LHPP: variants seen among roughly 807,000 people sequenced by gnomAD.
The protein encoded by LHPP is phospholysine phosphohistidine inorganic pyrophosphate phosphatase.
In LHPP, 24 loss-of-function variants were observed where a neutral mutation model predicts 30.3. That is an observed-to-expected ratio of 0.79 (90% confidence interval 0.57 to 1.11). The LOEUF (loss-of-function observed/expected upper bound fraction) is 1.11. Ranked by LOEUF, LHPP falls within the 50% of genes most tolerant of loss-of-function variation. The pLI, the probability that LHPP is intolerant of heterozygous loss-of-function variation, is 0.00. For missense variants in LHPP, 356 were observed against 367.2 expected (o/e 0.97, Z 0.25); for synonymous variants, 150 against 157.1 (o/e 0.95, Z 0.34).
chr10:124,491,164 T>G (rs1411418585), intron 3 of LHPP, among the ~76,000 whole-genome samples: 1 of 152,236 alleles, frequency 6.6e-6, no homozygotes, highest in East Asian at 1.9e-4. Flanking sequence ...CACAGGGTTC[T>G]ACACAGCTAG....
chr10:124,468,657 C>T (rs972768210), intron 1 of LHPP, among the ~76,000 whole-genome samples: 1 of 152,226 alleles, frequency 6.6e-6, no homozygotes, highest in Non-Finnish European at 1.5e-5. Context: ...GAAGGGGCCG[C>T]TGAGCTGTCC....
intron 6 of LHPP, among the ~76,000 whole-genome samples, chr10:124,560,641 C>T (rs533880377): frequency 1.3e-5 from 2 of 152,204 alleles, no homozygotes; most frequent in African/African-American, 4.8e-5. Context: ...GCCGTGCTCC[C>T]GACGTCAGGC....
intron 6 of LHPP, among the ~76,000 whole-genome samples, chr10:124,538,034 G>A (rs1470205694): frequency 6.6e-6 from 1 of 152,194 alleles, no homozygotes; most frequent in African/African-American, 2.4e-5. Flanking sequence ...CCCCTTCCCT[G>A]AGCCTCCCAC....
intron 5 of LHPP, among the ~76,000 whole-genome samples, chr10:124,513,206 A>G (rs1427096818): frequency 6.6e-6 from 1 of 151,580 alleles, no homozygotes; most frequent in Non-Finnish European, 1.5e-5. Context: ...GATTACAGGC[A>G]TCCGCCACCA....
chr10:124,590,010 A>C lies in LHPP; in HGVS notation c.717-23254A>C, dbSNP rs979049110. 1.6e-4 allele frequency among the ~76,000 whole-genome samples: 24 copies of C among 152,104 alleles called. No homozygotes were observed. The highest frequency in any genetic ancestry group is 5.5e-4 in the African/African-American group (23 of 41,482). On this transcript the variant is annotated intron_variant, in intron 6 of 6. Coordinates refer to ENST00000368842, the MANE Select transcript of LHPP (RefSeq NM_022126.4). This position sits in a 1 kb window ranked among gnomAD's most constrained non-coding sequence, Gnocchi z 4.3. ...AAATCCTTTCAGGAAAGTTCTCTCC[A>C]TCCCACCACTCCACCGCCCCCCGCC...
rs779167244 is a variant in LHPP, at chr10:124,478,036, G to C, written c.126-6103G>C. Among the ~76,000 whole-genome samples the C allele has an allele frequency of 2.6e-5, 4 of 152,186 alleles. No individual in the cohort carries two copies. Among genetic ancestry groups the C allele is most frequent in the Admixed American group, 2.0e-4 (3 of 15,284 alleles). Reference sequence around the variant, plus strand: ...CTGGTCCTGCGCCAGGGTGCCCCCAGGTGCTGATCTTGGCTCCACTGTGGT... The same window carrying C: ...CTGGTCCTGCGCCAGGGTGCCCCCACGTGCTGATCTTGGCTCCACTGTGGT... On this transcript the variant is annotated intron_variant, in intron 1 of 6. Transcript: ENST00000368842. The surrounding 1 kb of genome is among the most constrained non-coding windows in gnomAD (Gnocchi z 4.7).
At chr10:124,553,678 C>T in intron 6 of LHPP, among the ~76,000 whole-genome samples, 1 of 152,084 alleles carries the variant, frequency 6.6e-6, no homozygotes, top group Non-Finnish European at 1.5e-5. Flanking sequence ...CCAGGATGGT[C>T]TCGATCTCCT....
chr10:124,496,063 AG>A lies in LHPP; in HGVS notation c.468-895del, dbSNP rs1265569955. On this transcript the variant is annotated intron_variant, in intron 3 of 6. Transcript: ENST00000368842. The surrounding 1 kb of genome is among the most constrained non-coding windows in gnomAD (Gnocchi z 4.3). ...TATCGTAAGGGCATGGCAGGAGGAG[AG>A]GGAAACTGATGTGATGGTGGATGGC... 6.6e-6 allele frequency among the ~76,000 whole-genome samples: 1 copy of A among 152,142 alleles called. No individual in the cohort carries two copies. The highest frequency in any genetic ancestry group is 1.5e-5 in the Non-Finnish European group (1 of 68,012).
At chr10:124,539,735 CAAA>C (rs34308960) in intron 6 of LHPP, among the ~76,000 whole-genome samples, 15 of 120,874 alleles carry the variant, frequency 1.2e-4, no homozygotes, top group Admixed American at 2.7e-4. Flanking sequence ...AACCCTGTCT[CAAA>C]AAAAAAAAAA....
intron 6 of LHPP, among the ~76,000 whole-genome samples, chr10:124,518,943 T>G (rs1954534451): frequency 6.6e-6 from 1 of 152,086 alleles, no homozygotes; most frequent in Non-Finnish European, 1.5e-5. Context: ...TGTTTTTTTG[T>G]TTTTGTTTTT....
At chr10:124,525,380 T>C (rs1954707497) in intron 6 of LHPP, among the ~76,000 whole-genome samples, 1 of 152,208 alleles carries the variant, frequency 6.6e-6, no homozygotes, top group Admixed American at 6.5e-5. Flanking sequence ...GGAGCATATG[T>C]TCAACTTGAC....
At chr10:124,529,351 G>A (rs190595899) in intron 6 of LHPP, among the ~76,000 whole-genome samples, 3 of 152,010 alleles carry the variant, frequency 2.0e-5, no homozygotes, top group South Asian at 2.1e-4. Flanking sequence ...CTGAAAGTGC[G>A]GGGTTATTAA....
At chr10:124,537,313 G>A (rs1955052566) in intron 6 of LHPP, among the ~76,000 whole-genome samples, 1 of 152,220 alleles carries the variant, frequency 6.6e-6, no homozygotes, top group Admixed American at 6.5e-5. Context: ...GCTGTTGGGG[G>A]TGTCAGGGTT....
intron 6 of LHPP, among the ~76,000 whole-genome samples, chr10:124,545,260 C>T (rs1023080040): frequency 1.3e-5 from 2 of 152,222 alleles, no homozygotes; most frequent in East Asian, 1.9e-4. Flanking sequence ...TTCCTTTCCT[C>T]GTCTGGAAAG....
At chr10:124,557,860 G>A (rs918489990) in intron 6 of LHPP, among the ~76,000 whole-genome samples, 6 of 152,142 alleles carry the variant, frequency 3.9e-5, no homozygotes, top group South Asian at 2.1e-4. Context: ...GTGGTGGAGC[G>A]TGTTGCCTGA....
intron 1 of LHPP, among the ~76,000 whole-genome samples, chr10:124,466,185 G>A (rs1259915173): frequency 6.6e-6 from 1 of 152,184 alleles, no homozygotes; most frequent in African/African-American, 2.4e-5. Context: ...AGAATAACAT[G>A]CAGTGTAAGA....
At chr10:124,597,311 C>T (rs1025194742) in intron 6 of LHPP, among the ~76,000 whole-genome samples, 1 of 152,216 alleles carries the variant, frequency 6.6e-6, no homozygotes, top group Admixed American at 6.5e-5. Flanking sequence ...TCTTTTCCCT[C>T]TGGGGAGCCC....
intron 6 of LHPP, among the ~76,000 whole-genome samples, chr10:124,608,691 G>GCCCCCC (rs1564852025): frequency 6.6e-6 from 1 of 152,104 alleles, no homozygotes; most frequent in East Asian, 1.9e-4. Flanking sequence ...CGCTCAGAGG[G>GCCCCCC]ACCCCCACCC....
At chr10:124,511,707 G>T (rs558693550) in intron 5 of LHPP, among the ~76,000 whole-genome samples, 4 of 152,220 alleles carry the variant, frequency 2.6e-5, no homozygotes, top group East Asian at 1.9e-4. Flanking sequence ...GCCTCAGGGG[G>T]CCTCATTGGC....
Sources: allele counts gnomAD v4.1 joint callset (sites outside exome capture counted in the v4.1 genomes callset), GRCh38; gene constraint gnomAD v4.1.1; non-coding constraint Gnocchi (gnomAD v3.1); transcripts MANE v1.5; gene names NCBI Gene and HGNC (gene_info 2026-07-23, HGNC 2026-07-21).